The following FMNL3 variants were observed in gnomAD, a reference collection of about 807,000 sequenced individuals.
The protein encoded by FMNL3 is formin like 3.
Under a neutral mutation model 119.6 loss-of-function variants are expected in FMNL3, and 57 were observed. The observed-to-expected ratio is 0.48, with a 90% CI of 0.39 to 0.59. The LOEUF is 0.59. Ranked by LOEUF, FMNL3 falls within the 20% of genes least tolerant of loss-of-function variation. The pLI is 0.00. For missense variants in FMNL3, 1,053 were observed against 1,323.5 expected, an observed-to-expected ratio of 0.80 and a Z score of 3.17; for synonymous variants, 491 against 507.3, an observed-to-expected ratio of 0.97 and a Z score of 0.43.
At chr12:49,650,616 G>A (rs1943366784) in intron 17 of FMNL3, 60 bp downstream of exon 17, 1 of 1,578,072 alleles carries the variant, frequency 6.3e-7, no homozygotes, top group Non-Finnish European at 8.7e-7. Context: ...CCAGGCTCCT[G>A]GGTGGAGAAC....
At chr12:49,660,973 A>G (rs538068290) in intron 5 of FMNL3, among the ~76,000 whole-genome samples, 1 of 152,310 alleles carries the variant, frequency 6.6e-6, no homozygotes, top group South Asian at 2.1e-4. Context: ...ACCCTGTCTC[A>G]AAAAAATGTC....
intron 1 of FMNL3, among the ~76,000 whole-genome samples, chr12:49,685,077 A>G (rs1944423944): frequency 6.6e-6 from 1 of 152,192 alleles, no homozygotes; most frequent in Admixed American, 6.5e-5. Flanking sequence ...CTACGAAATG[A>G]GCCCATATAA....
At chr12:49,699,706 CATTT>C (rs1565900189) in intron 1 of FMNL3, among the ~76,000 whole-genome samples, 1 of 152,194 alleles carries the variant, frequency 6.6e-6, no homozygotes, top group Non-Finnish European at 1.5e-5. Context: ...GAAATGTATA[CATTT>C]ATTACATAGA....
In FMNL3 at chr12:49,649,825, G is replaced by C; in HGVS notation, c.2101C>G (p.Arg701Gly). 1.2e-6 allele frequency: 2 copies of C among 1,614,164 alleles called. No individual in the cohort carries two copies. The highest frequency in any genetic ancestry group is 1.6e-4 in the Middle Eastern group (1 of 6,062). ...GCTGCCAACTCCTCCAGGGGCTGCCGCTCCCGCTCATATTGCCGCAGCAGC... is the reference window on the plus strand; with the variant it reads ...GCTGCCAACTCCTCCAGGGGCTGCCCCTCCCGCTCATATTGCCGCAGCAGC... Reference protein sequence around the residue: ...VKLLRQYERERQPLEELAAED... With the variant: ...VKLLRQYEREGQPLEELAAED... Residue 701 changes from arginine to glycine, a missense_variant, in exon 18 of 26, where the codon CGG becomes GGG. Arg to Gly is a moderately radical substitution (Grantham distance 125, BLOSUM62 -2). This residue lies in a region of FMNL3 where 445 missense variants were observed against 628.4 expected (regional missense o/e 0.71). Transcript: ENST00000335154. The surrounding 1 kb of genome is among the most constrained non-coding windows in gnomAD (Gnocchi z 5.6).
chr12:49,637,910 C>T lies in FMNL3; in HGVS notation c.*7905G>A, dbSNP rs1302870492. 6.0e-4 allele frequency: 671 copies of T among 1,124,468 alleles called. 5 individuals carry two copies. The highest frequency in any genetic ancestry group is 6.8e-5 in the Non-Finnish European group (51 of 754,246). 69.7% of individuals were successfully genotyped at this position (1,124,468 alleles called of 1,614,324 possible). A position where few individuals can be genotyped will look rare whatever the true frequency, so the allele number is the denominator to read the frequency against. ...GGACTCCCTGATAAGTCCTGTTTTGCAGAAGCATTACAGCTTGGTTCAGCA... is the reference window on the plus strand; with the variant it reads ...GGACTCCCTGATAAGTCCTGTTTTGTAGAAGCATTACAGCTTGGTTCAGCA... On this transcript the variant is annotated 3_prime_UTR_variant, in exon 26 of 26. Transcript: ENST00000335154.
chr12:49,639,913 A>ATT lies in FMNL3; in HGVS notation c.*5901_*5902insAA, dbSNP rs1415773971. The ATT allele has an allele frequency of 2.0e-4, 30 of 152,380 alleles. No individual in the cohort carries two copies. Among genetic ancestry groups the ATT allele is most frequent in the Non-Finnish European group, 3.2e-4 (22 of 68,036 alleles). The allele number at this position is 152,380 out of a possible 1,614,324, so 9.4% of individuals were successfully genotyped here. A position where few individuals can be genotyped will look rare whatever the true frequency, so the allele number is the denominator to read the frequency against. On this transcript the variant is annotated 3_prime_UTR_variant, in exon 26 of 26. Coordinates refer to ENST00000335154, the MANE Select transcript of FMNL3 (RefSeq NM_175736.5). ...AAAACAGAATAATCGTATAAAGTAG[A>ATT]AATGCCTTATCCTGGGATAGCTAAA...
At chr12:49,699,051 G>A (rs144196467) in intron 1 of FMNL3, among the ~76,000 whole-genome samples, 218 of 152,264 alleles carry the variant, frequency 1.4e-3, no homozygotes, top group African/African-American at 4.7e-3. Context: ...TCCGAACCGC[G>A]ATGAACCCCT....
At position 49,645,770 on chromosome 12, in the gene FMNL3, T is replaced by G. The variant is rs370506711; in HGVS notation, c.*45A>C. The G allele has an allele frequency of 1.3e-6, 2 of 1,541,134 alleles. No homozygotes were observed. Among genetic ancestry groups the G allele is most frequent in the African/African-American group, 2.8e-5 (2 of 71,318 alleles). Reference sequence around the variant, plus strand: ...CCAATTCCAGGTCCACTGGTTGGACTTGTAGGACTCTGAGGGGTGAAGTGC... The same window carrying G: ...CCAATTCCAGGTCCACTGGTTGGACGTGTAGGACTCTGAGGGGTGAAGTGC... On this transcript the variant is annotated 3_prime_UTR_variant, in exon 26 of 26. Transcript: ENST00000335154.
At chr12:49,688,124 C>G (rs1032981467) in intron 1 of FMNL3, among the ~76,000 whole-genome samples, 1 of 152,216 alleles carries the variant, frequency 6.6e-6, no homozygotes, top group Non-Finnish European at 1.5e-5. Context: ...CTGGGAGGCA[C>G]GCCAAACACT....
chr12:49,687,610 T>C (rs1239914615), intron 1 of FMNL3, among the ~76,000 whole-genome samples: 6 of 152,248 alleles, frequency 3.9e-5, no homozygotes, highest in African/African-American at 1.2e-4. Flanking sequence ...CCTGTAGATT[T>C]GTTTATTGTT....
intron 1 of FMNL3, among the ~76,000 whole-genome samples, chr12:49,680,633 A>G (rs1944311969): frequency 2.0e-5 from 3 of 152,176 alleles, no homozygotes; most frequent in Admixed American, 2.0e-4. Flanking sequence ...AGCTAGGAAA[A>G]AACACCTCTT....
chr12:49,643,869 T>C lies in FMNL3; in HGVS notation c.*1946A>G, dbSNP rs964908429. ...GCTCTGGACTCTTACAGAATAGTCC[T>C]GAGAGTGAGACAGACCCTGAGGAGA... On this transcript the variant is annotated 3_prime_UTR_variant, in exon 26 of 26. Coordinates refer to ENST00000335154, the MANE Select transcript of FMNL3 (RefSeq NM_175736.5). 1.2e-6 allele frequency: 2 copies of C among 1,614,016 alleles called. No homozygotes were observed. Among genetic ancestry groups the C allele is most frequent in the Non-Finnish European group, 1.7e-6 (2 of 1,180,008 alleles).
At position 49,644,047 on chromosome 12, in the gene FMNL3, C is replaced by G. The variant is rs373063136; in HGVS notation, c.*1768G>C. On this transcript the variant is annotated 3_prime_UTR_variant, in exon 26 of 26. Coordinates refer to ENST00000335154, the MANE Select transcript of FMNL3 (RefSeq NM_175736.5). The stretch of plus-strand genomic sequence containing the variant: ...TAGGCCAGTCAGCACGCTGGTCAAG[C>G]TTCCACGGCCCTTAGTGCAGGCTAA... 18 of 1,614,052 alleles carry G rather than the reference C, an allele frequency of 1.1e-5. No individual in the cohort carries two copies. In the African/African-American group the frequency reaches 2.3e-4, roughly 20 times the overall value.
chr12:49,668,344 G>C (rs1300805789), intron 2 of FMNL3, 127 bp downstream of exon 2: 1 of 817,310 alleles, frequency 1.2e-6, no homozygotes, highest in African/African-American at 1.7e-5. Context: ...AGTGAACACA[G>C]ATGAGGCCAA....
Position 49,642,337 on chromosome 12 carries a change from G to A in FMNL3, c.*3478C>T. The A allele has an allele frequency of 6.2e-7, 1 of 1,614,044 alleles. No homozygotes were observed. Among genetic ancestry groups the A allele is most frequent in the Non-Finnish European group, 8.5e-7 (1 of 1,180,044 alleles). On this transcript the variant is annotated 3_prime_UTR_variant, in exon 26 of 26. Transcript: ENST00000335154. The surrounding 1 kb of genome is among the most constrained non-coding windows in gnomAD (Gnocchi z 5.8). ...CTTTCGAAGCATGCTGAGGCAGGCTGTGCCTGCTCTGGAGCTAGGCACTGC... is the reference window on the plus strand; with the variant it reads ...CTTTCGAAGCATGCTGAGGCAGGCTATGCCTGCTCTGGAGCTAGGCACTGC...
chr12:49,700,176 A>G (rs374890037), intron 1 of FMNL3, among the ~76,000 whole-genome samples: 103 of 150,366 alleles, frequency 6.8e-4, no homozygotes, highest in African/African-American at 2.3e-3. Context: ...GTGGATCACG[A>G]GGTCAGGAGA....
chr12:49,696,151 T>C (rs967363497), intron 1 of FMNL3, among the ~76,000 whole-genome samples: 1 of 152,234 alleles, frequency 6.6e-6, no homozygotes, highest in African/African-American at 2.4e-5. Flanking sequence ...TAAAATTATA[T>C]AGTAATTGCA....
Position 49,706,952 on chromosome 12 carries a change from G to A in FMNL3, c.126+103C>T, listed in dbSNP as rs919015019. The A allele has an allele frequency of 4.4e-5, 59 of 1,339,716 alleles. No individual in the cohort carries two copies. In the East Asian group the frequency reaches 1.5e-3, roughly 34 times the overall value. The allele number at this position is 1,339,716 out of a possible 1,614,324, so 83.0% of individuals were successfully genotyped here. A position where few individuals can be genotyped will look rare whatever the true frequency, so the allele number is the denominator to read the frequency against. On this transcript the variant is annotated intron_variant, in intron 1 of 25. Transcript: ENST00000335154. ...GAGGCCGGGATCCGTTCGGGACCCCGACTGAAAGGGTGGGCGGGACGGGGG... is the reference window on the plus strand; with the variant it reads ...GAGGCCGGGATCCGTTCGGGACCCCAACTGAAAGGGTGGGCGGGACGGGGG...
At chr12:49,646,003 G>A in intron 25 of FMNL3, 100 bp from the exon 26 acceptor site, 3 of 983,050 alleles carry the variant, frequency 3.1e-6, no homozygotes, top group Non-Finnish European at 4.5e-6. Flanking sequence ...GGAGCCAGCA[G>A]TGAGGCAGAT....
Sources: gnomAD v4.1 joint callset for allele counts (sites outside exome capture counted in the v4.1 genomes callset) on GRCh38, gnomAD v4.1.1 for gene constraint, gnomAD v4.1.1 regional missense constraint, Gnocchi (gnomAD v3.1) non-coding constraint, MANE v1.5 for transcripts, NCBI Gene and HGNC (gene_info 2026-07-23, HGNC 2026-07-21) for gene names.